ANKMY1: variants seen among roughly 807,000 people sequenced by gnomAD.
The protein encoded by ANKMY1 is ankyrin repeat and MYND domain containing 1.
A neutral mutation model predicts 102.0 loss-of-function variants in ANKMY1; 98 were observed. The ratio of observed to expected loss-of-function variants is 0.96; its 90% CI spans 0.82 to 1.14. The LOEUF (loss-of-function observed/expected upper bound fraction) is 1.14, where lower values mean the gene tolerates loss of function less well. Among genes scored for constraint, ANKMY1 ranks in the 50% most tolerant of loss-of-function variants. The pLI is 0.00. For missense variants in ANKMY1, 1,330 were observed against 1,347.6 expected (o/e 0.99, Z 0.20); for synonymous variants, 582 against 559.9 (o/e 1.04, Z -0.56).
chr2:240,477,243 G>A (rs2074917201), downstream of ANKMY1, among the ~76,000 whole-genome samples: 1 of 152,160 alleles, frequency 6.6e-6, no homozygotes, highest in Admixed American at 6.5e-5. Flanking sequence ...TTGAACCCAG[G>A]AGGCAGAGGT....
chr2:240,560,316 G>A (rs1033133506), upstream of ANKMY1: 1 of 178,786 alleles, frequency 5.6e-6, no homozygotes, highest in Non-Finnish European at 1.2e-5. Context: ...CTCCGCGCCA[G>A]ACGCCGCAGT....
intron 4 of ANKMY1, among the ~76,000 whole-genome samples, chr2:240,531,881 T>C (rs1186391056): frequency 6.6e-6 from 1 of 152,188 alleles, no homozygotes; most frequent in African/African-American, 2.4e-5. Flanking sequence ...TCATGTTGCA[T>C]GCAAATTTTA....
chr2:240,558,007 C>A, upstream of ANKMY1: 1 of 982,448 alleles, frequency 1.0e-6, no homozygotes, highest in African/African-American at 1.7e-5. Context: ...TCGCGTTTCC[C>A]TGGAGACAGC....
chr2:240,469,988 A>G, the ANKMY1 span, among the ~76,000 whole-genome samples: 2 of 152,214 alleles, frequency 1.3e-5, no homozygotes, highest in African/African-American at 4.8e-5. Context: ...ACACATGTAG[A>G]CAGGTACACA....
intron 4 of ANKMY1, 120 bp downstream of exon 4, chr2:240,552,794 T>C: frequency 6.7e-7 from 1 of 1,491,204 alleles, no homozygotes; most frequent in Non-Finnish European, 9.2e-7. Context: ...TCATTAAAAG[T>C]AAAAAAGCTA....
chr2:240,474,269 T>C, the ANKMY1 span, among the ~76,000 whole-genome samples: 1 of 145,470 alleles, frequency 6.9e-6, no homozygotes, highest in Non-Finnish European at 1.5e-5. Flanking sequence ...CTAATTTTTT[T>C]TTTTTTTTTT....
At position 240,523,728 on chromosome 2, in the gene ANKMY1, G is replaced by A. The variant is rs755281871; in HGVS notation, c.1832+157C>T. 3.2e-6 allele frequency: 4 copies of A among 1,248,968 alleles called. No homozygotes were observed. In the Admixed American group the frequency reaches 7.8e-5, roughly 25 times the overall value. The allele number at this position is 1,248,968 out of a possible 1,614,324, so 77.4% of individuals were successfully genotyped here. ...TGGCACCCCCACAGGGCTGGCCATGGCGTGGAGCCACCGACACAGGGATGC... is the reference window on the plus strand; with the variant it reads ...TGGCACCCCCACAGGGCTGGCCATGACGTGGAGCCACCGACACAGGGATGC... On this transcript the variant is annotated intron_variant, in intron 8 of 17. Transcript: ENST00000401804.
chr2:240,553,296 G>A (rs1206585886), intron 3 of ANKMY1: 3 of 544,106 alleles, frequency 5.5e-6, no homozygotes, highest in African/African-American at 1.9e-5. Context: ...GTGGGGGACT[G>A]TGGGGAGGCT....
chr2:240,560,527 G>C, upstream of ANKMY1: 1 of 1,135,314 alleles, frequency 8.8e-7, no homozygotes, highest in Non-Finnish European at 1.1e-6. Context: ...CCCAGCGCCC[G>C]CGGGGGACCC....
chr2:240,469,685 C>G, the ANKMY1 span, among the ~76,000 whole-genome samples: 1 of 151,516 alleles, frequency 6.6e-6, no homozygotes. Flanking sequence ...CACACACAAA[C>G]GAACACATAC....
intron 15 of ANKMY1, among the ~76,000 whole-genome samples, chr2:240,482,800 G>C (rs1472568714): frequency 6.6e-6 from 1 of 152,210 alleles, no homozygotes; most frequent in African/African-American, 2.4e-5. Flanking sequence ...CTAGAGATCT[G>C]GTAGGTCTAA....
chr2:240,512,337 A>C (rs1427987888), intron 10 of ANKMY1, among the ~76,000 whole-genome samples: 3 of 152,200 alleles, frequency 2.0e-5, no homozygotes, highest in Non-Finnish European at 4.4e-5. Context: ...TCCTGCCCTC[A>C]AGGGGCTCAA....
At chr2:240,524,951 C>A (rs1054472416) in intron 7 of ANKMY1, among the ~76,000 whole-genome samples, 5 of 152,200 alleles carry the variant, frequency 3.3e-5, no homozygotes, top group African/African-American at 1.2e-4. Flanking sequence ...AAGAGTCCCA[C>A]AGACAGTTGT....
chr2:240,543,209 C>T (rs1456065582), intron 4 of ANKMY1, among the ~76,000 whole-genome samples: 3 of 151,736 alleles, frequency 2.0e-5, no homozygotes, highest in African/African-American at 4.8e-5. Context: ...AAAAATTAGC[C>T]GGGTGTGGTG....
intron 16 of ANKMY1, among the ~76,000 whole-genome samples, chr2:240,481,762 A>G (rs1213911360): frequency 1.3e-5 from 2 of 152,138 alleles, no homozygotes; most frequent in African/African-American, 2.4e-5. Context: ...GGGAGGGGCT[A>G]GGAAGGTGCA....
intron 4 of ANKMY1, among the ~76,000 whole-genome samples, chr2:240,552,286 T>A (rs1347708874): frequency 6.6e-6 from 1 of 151,966 alleles, no homozygotes; most frequent in Non-Finnish European, 1.5e-5. Flanking sequence ...TGGCTCAGAA[T>A]AAACCTCTTT....
intron 5 of ANKMY1, 128 bp downstream of exon 5, chr2:240,528,909 G>A: frequency 1.2e-6 from 1 of 826,418 alleles, no homozygotes; most frequent in Non-Finnish European, 2.0e-6. Context: ...TCACTTAATG[G>A]GAGGAGTGTG....
At chr2:240,551,166 T>G (rs2091456089) in intron 4 of ANKMY1, among the ~76,000 whole-genome samples, 2 of 151,140 alleles carry the variant, frequency 1.3e-5, no homozygotes, top group African/African-American at 4.8e-5. Flanking sequence ...TTTTTTTTTT[T>G]GAAATATTGC....
chr2:240,479,133 C>T (rs953975453), downstream of ANKMY1, among the ~76,000 whole-genome samples: 1 of 152,222 alleles, frequency 6.6e-6, no homozygotes, highest in African/African-American at 2.4e-5. Flanking sequence ...AAACGAGCAC[C>T]GCAAACCCCA....
Sources: gnomAD v4.1 joint callset for allele counts (sites outside exome capture counted in the v4.1 genomes callset) on GRCh38, gnomAD v4.1.1 for gene constraint, MANE v1.5 for transcripts, NCBI Gene and HGNC (gene_info 2026-07-23, HGNC 2026-07-21) for gene names.